CHODL: variants seen among roughly 807,000 people sequenced by gnomAD.
CHODL encodes the protein transmembrane protein MT75.
A neutral mutation model predicts 34.5 loss-of-function variants in CHODL; 29 were observed. That is an observed-to-expected ratio of 0.84 (90% CI 0.63 to 1.15). The LOEUF (loss-of-function observed/expected upper bound fraction) is 1.15. Among genes scored for constraint, CHODL ranks in the 50% most tolerant of loss-of-function variants. The probability of loss-of-function intolerance (pLI) is 0.00; values close to 1 mark genes in which losing one functional copy is unlikely to be tolerated. For synonymous variants in CHODL, 125 were observed against 116.1 expected (o/e 1.08, Z -0.49); for missense variants, 332 against 332.5 (o/e 1.00, Z 0.01).
chr21:18,086,180 A>C (rs1479236967), intron 2 of CHODL, among the ~76,000 whole-genome samples: 2 of 150,652 alleles, frequency 1.3e-5, no homozygotes, highest in Non-Finnish European at 2.9e-5. Flanking sequence ...CTTTCAATGA[A>C]TTTATTTCCA....
At chr21:17,999,736 G>A (rs2063887142) in intron 1 of CHODL, among the ~76,000 whole-genome samples, 1 of 152,074 alleles carries the variant, frequency 6.6e-6, no homozygotes, top group Non-Finnish European at 1.5e-5. Flanking sequence ...CTCCCACTGG[G>A]TCCCTCCCAC....
At chr21:18,260,446 C>G (rs548079462) in intron 4 of CHODL, among the ~76,000 whole-genome samples, 160 bp downstream of exon 4, 1 of 152,182 alleles carries the variant, frequency 6.6e-6, no homozygotes, top group Non-Finnish European at 1.5e-5. Flanking sequence ...AAAAATTATG[C>G]TAAGCTAGTA....
chr21:18,231,361 G>T (rs978996066), intron 2 of CHODL, among the ~76,000 whole-genome samples: 5 of 152,084 alleles, frequency 3.3e-5, no homozygotes, highest in African/African-American at 9.7e-5. Context: ...TTATTTCCAT[G>T]ATTGCCAGCC....
At chr21:18,122,236 G>T (rs903345034) in intron 2 of CHODL, among the ~76,000 whole-genome samples, 12 of 151,792 alleles carry the variant, frequency 7.9e-5, no homozygotes, top group African/African-American at 2.4e-4. Context: ...AATAATATAC[G>T]TCAGATGGGA....
At chr21:18,172,753 C>G (rs1406617659) in intron 2 of CHODL, among the ~76,000 whole-genome samples, 1 of 152,142 alleles carries the variant, frequency 6.6e-6, no homozygotes, top group Non-Finnish European at 1.5e-5. Flanking sequence ...GTTTTCTATG[C>G]TGTGTAACAA....
chr21:17,933,039 C>T (rs1461468288), intron 1 of CHODL, among the ~76,000 whole-genome samples: 1 of 152,180 alleles, frequency 6.6e-6, no homozygotes, highest in Non-Finnish European at 1.5e-5. Context: ...TTTAGATATG[C>T]ATACACATAA....
chr21:18,082,194 C>A (rs563266401), intron 2 of CHODL, among the ~76,000 whole-genome samples: 83 of 152,166 alleles, frequency 5.5e-4, no homozygotes, highest in Admixed American at 1.4e-3. Context: ...TGGCACTTCC[C>A]CCTTCACTCC....
chr21:18,062,540 C>A (rs973690047), intron 2 of CHODL, among the ~76,000 whole-genome samples: 2 of 152,002 alleles, frequency 1.3e-5, no homozygotes, highest in African/African-American at 4.8e-5. Flanking sequence ...CCGAGGTGGG[C>A]TGATCACTTG....
intron 1 of CHODL, among the ~76,000 whole-genome samples, chr21:17,943,375 A>T (rs1018829671): frequency 6.6e-6 from 1 of 152,210 alleles, no homozygotes; most frequent in African/African-American, 2.4e-5. Flanking sequence ...TTGCCTAAAA[A>T]GTTCCCACAG....
At chr21:18,086,103 A>G (rs949849639) in intron 2 of CHODL, among the ~76,000 whole-genome samples, 10 of 90,392 alleles carry the variant, frequency 1.1e-4, no homozygotes, top group African/African-American at 3.5e-4. Flanking sequence ...ACTGTCTTTA[A>G]GTTCTGAGAT....
At position 18,064,732 on chromosome 21, in the gene CHODL, C is replaced by T. The variant is rs544650655; in HGVS notation, c.-45+36761C>T. Among the ~76,000 whole-genome samples, 9 of 152,228 alleles carry T rather than the reference C, an allele frequency of 5.9e-5. No individual in the cohort carries two copies. The South Asian group carries it at 1.9e-3, about 32-fold the overall frequency. On this transcript the variant is annotated intron_variant, in intron 2 of 6. Coordinates refer to the CHODL transcript ENST00000400127. The stretch of plus-strand genomic sequence containing the variant: ...GCTTCTATAATTGCATCAGCCAATT[C>T]CTTATACTCTCTCTCTCCGCACACA...
intron 2 of CHODL, among the ~76,000 whole-genome samples, chr21:18,042,216 C>G (rs1022048322): frequency 1.3e-5 from 2 of 151,802 alleles, no homozygotes; most frequent in African/African-American, 2.4e-5. Flanking sequence ...AATTTGTTTT[C>G]CAGGAGCACA....
chr21:18,037,355 A>G (rs2064323538), intron 2 of CHODL, among the ~76,000 whole-genome samples: 1 of 151,874 alleles, frequency 6.6e-6, no homozygotes, highest in Admixed American at 6.6e-5. Flanking sequence ...ATGTAAATGG[A>G]GGAACTCTCA....
chr21:18,113,989 A>G (rs2065382405), intron 2 of CHODL, among the ~76,000 whole-genome samples: 1 of 152,212 alleles, frequency 6.6e-6, no homozygotes, highest in South Asian at 2.1e-4. Context: ...GTTATTTACA[A>G]CAACGTGGAT....
At position 18,206,252 on chromosome 21, in the gene CHODL, A is replaced by G. The variant is rs753033366; in HGVS notation, c.-44-50257A>G. Among the ~76,000 whole-genome samples, 68 of 152,250 alleles carry G rather than the reference A, an allele frequency of 4.5e-4. 1 individual carries two copies. The highest frequency in any genetic ancestry group is 8.5e-4 in the Admixed American group (13 of 15,300). On this transcript the variant is annotated intron_variant, in intron 2 of 6. Transcript: ENST00000400127. ...TAGGGTGTTGAAATCTCTAACTATTATTGTATTGAAGTTGATCTCTCTCAT... is the reference window on the plus strand; with the variant it reads ...TAGGGTGTTGAAATCTCTAACTATTGTTGTATTGAAGTTGATCTCTCTCAT...
At chr21:17,940,403 G>C (rs867080469) in intron 1 of CHODL, among the ~76,000 whole-genome samples, 1 of 152,128 alleles carries the variant, frequency 6.6e-6, no homozygotes, top group Non-Finnish European at 1.5e-5. Flanking sequence ...ATAAATTATA[G>C]TGAACTAATA....
chr21:18,245,201 CCTG>C lies in CHODL; in HGVS notation c.-15_-13del. On this transcript the variant is annotated 5_prime_UTR_variant, in exon 1 of 6. Coordinates refer to ENST00000299295, the MANE Select transcript of CHODL (RefSeq NM_024944.3). ...GAGGCCGCCCTCGCTCCACGCAACACCTGCTGCTGCCACCGCGCCGCGATGAGC... is the reference window on the plus strand; with the variant it reads ...GAGGCCGCCCTCGCTCCACGCAACACCTGCTGCCACCGCGCCGCGATGAGC... 6.6e-7 allele frequency: 1 copy of C among 1,514,686 alleles called. No homozygotes were observed. Among genetic ancestry groups the C allele is most frequent in the Non-Finnish European group, 8.8e-7 (1 of 1,137,570 alleles). The allele number at this position is 1,514,686 out of a possible 1,614,324, so 93.8% of individuals were successfully genotyped here.
At chr21:18,001,736 AAG>A (rs1278353617) in intron 1 of CHODL, among the ~76,000 whole-genome samples, 2 of 151,450 alleles carry the variant, frequency 1.3e-5, no homozygotes, top group East Asian at 3.9e-4. Flanking sequence ...CTAGGTAAGG[AAG>A]AGAGAGAATT....
intron 2 of CHODL, among the ~76,000 whole-genome samples, chr21:18,189,940 G>A (rs1039119152): frequency 4.6e-5 from 7 of 151,948 alleles, no homozygotes. Context: ...TGGCTGAAGT[G>A]GACAAATTTT....
Sources: allele counts gnomAD v4.1 joint callset (sites outside exome capture counted in the v4.1 genomes callset), GRCh38; gene constraint gnomAD v4.1.1; transcripts MANE v1.5; gene names NCBI Gene and HGNC (gene_info 2026-07-23, HGNC 2026-07-21).